Variants in CMIP observed in about 807,000 individuals in gnomAD.
The protein encoded by CMIP is C-Maf-inducing protein.
In CMIP, 13 loss-of-function variants were observed where a neutral mutation model predicts 97.3. That is an observed-to-expected ratio of 0.13 (90% confidence interval 0.09 to 0.21). The LOEUF is 0.21. Among genes scored for constraint, CMIP ranks in the 10% least tolerant of loss-of-function variants. The pLI is 1.00. For synonymous variants in CMIP, 538 were observed against 436.3 expected, an observed-to-expected ratio of 1.23 and a Z score of -2.91; for missense variants, 847 against 1,024.9, an observed-to-expected ratio of 0.83 and a Z score of 2.37.
intron 5 of CMIP, among the ~76,000 whole-genome samples, chr16:81,660,304 C>T (rs960054138): frequency 6.6e-6 from 1 of 151,128 alleles, no homozygotes; most frequent in Non-Finnish European, 1.5e-5. Context: ...GGCAGAGTCT[C>T]ACTCTGTCAC....
intron 1 of CMIP, among the ~76,000 whole-genome samples, chr16:81,455,262 G>GATTAGTGTGTTTCC (rs1906473955): frequency 6.6e-6 from 1 of 152,220 alleles, no homozygotes; most frequent in Admixed American, 6.5e-5. Context: ...CCACTCGTGT[G>GATTAGTGTGTTTCC]ATTAGTGTGT....
chr16:81,599,526 C>T (rs181737011), intron 1 of CMIP, among the ~76,000 whole-genome samples: 10 of 152,292 alleles, frequency 6.6e-5, no homozygotes, highest in Middle Eastern at 6.8e-3. Context: ...GACCTGAGGC[C>T]CCTGCCATGC....
intron 1 of CMIP, among the ~76,000 whole-genome samples, chr16:81,497,383 T>A (rs1288353175): frequency 1.3e-5 from 2 of 152,204 alleles, no homozygotes; most frequent in Non-Finnish European, 2.9e-5. Context: ...TCAGTGAGGT[T>A]GAGCCACTTT....
intron 7 of CMIP, chr16:81,665,351 T>G (rs1041719851): frequency 6.6e-6 from 1 of 152,144 alleles, no homozygotes; most frequent in Non-Finnish European, 1.5e-5. Context: ...AAGAATAACA[T>G]CTTTTTGCAG....
chr16:81,472,995 A>G (rs1907651324), intron 1 of CMIP, among the ~76,000 whole-genome samples: 1 of 152,216 alleles, frequency 6.6e-6, no homozygotes. Context: ...TTCGCCTTGC[A>G]TCCAGTGGGC....
At position 81,616,185 on chromosome 16, in the gene CMIP, A is replaced by C. The variant is rs2091915853; in HGVS notation, c.427-4691A>C. On this transcript the variant is annotated intron_variant, in intron 2 of 20. Transcript: ENST00000537098. This position sits in a 1 kb window ranked among gnomAD's most constrained non-coding sequence, Gnocchi z 4.7. ...TTTTTTTTTTTTTAACACCAGGCTC[A>C]CTGGAGCAGTCGCAGTTAATCCTAC... Among the ~76,000 whole-genome samples, 1 of 147,728 alleles carries C rather than the reference A, an allele frequency of 6.8e-6. No homozygotes were observed. Among genetic ancestry groups the C allele is most frequent in the Non-Finnish European group, 1.5e-5 (1 of 67,430 alleles).
chr16:81,452,844 G>A (rs1271255615), intron 1 of CMIP, among the ~76,000 whole-genome samples: 1 of 148,626 alleles, frequency 6.7e-6, no homozygotes, highest in Non-Finnish European at 1.5e-5. Flanking sequence ...CCATTCTTTT[G>A]CTTCTGTTGT....
chr16:81,609,071 G>A (rs2091788549), intron 2 of CMIP, among the ~76,000 whole-genome samples: 1 of 152,120 alleles, frequency 6.6e-6, no homozygotes, highest in South Asian at 2.1e-4. Flanking sequence ...ATCTCTCAGA[G>A]GACTCTGGAA....
intron 1 of CMIP, among the ~76,000 whole-genome samples, chr16:81,604,089 G>A (rs936852673): frequency 6.6e-6 from 1 of 152,178 alleles, no homozygotes; most frequent in East Asian, 1.9e-4. Flanking sequence ...CATGCAGCTT[G>A]TCTGCTTTTT....
At chr16:81,684,974 G>A (rs1567661440) in intron 10 of CMIP, among the ~76,000 whole-genome samples, 3 of 152,212 alleles carry the variant, frequency 2.0e-5, no homozygotes, top group South Asian at 2.1e-4. Context: ...GGGCAGTCCC[G>A]AGGCGGGGAC....
intron 4 of CMIP, among the ~76,000 whole-genome samples, chr16:81,657,573 T>C (rs1286116435): frequency 6.6e-6 from 1 of 152,148 alleles, no homozygotes; most frequent in Non-Finnish European, 1.5e-5. Context: ...CAGTTCTCCC[T>C]GCCCCAAAAC....
At chr16:81,609,531 C>T (rs1036450895) in intron 2 of CMIP, among the ~76,000 whole-genome samples, 2 of 152,230 alleles carry the variant, frequency 1.3e-5, no homozygotes, top group Non-Finnish European at 2.9e-5. Flanking sequence ...GTGAAGAGCC[C>T]CTCAGCCCCT....
Position 81,678,643 on chromosome 16 carries a change from C to CGGGG in CMIP, c.1388+16_1388+17insGGGG. 7.5e-7 allele frequency: 1 copy of CGGGG among 1,327,310 alleles called. No individual in the cohort carries two copies. Among genetic ancestry groups the CGGGG allele is most frequent in the Non-Finnish European group, 1.1e-6 (1 of 941,130 alleles). 82.2% of individuals were successfully genotyped at this position (1,327,310 alleles called of 1,614,324 possible). On this transcript the variant is annotated intron_variant, in intron 10 of 20. Coordinates refer to ENST00000537098, the MANE Select transcript of CMIP (RefSeq NM_198390.3). ...CTCAAGCTGCTGTGAGTGCCCCCCC[C>CGGGG]GCGTGCCCGCCCCCGGGGCCGGTGG...
At chr16:81,514,624 G>A (rs7198407) in intron 1 of CMIP, among the ~76,000 whole-genome samples, 2,352 of 152,240 alleles carry the variant, frequency 0.015, 53 homozygotes, top group African/African-American at 0.051. Context: ...CTAGTGTTGC[G>A]GTCAATCGCG....
At chr16:81,657,672 C>T (rs756026143) in intron 4 of CMIP, 103 bp from the exon 5 acceptor site, 32 of 942,840 alleles carry the variant, frequency 3.4e-5, no homozygotes, top group African/African-American at 1.0e-4. Context: ...TGGTCTGTGA[C>T]GCTGAAGATG....
chr16:81,596,185 G>C (rs1450694727), intron 1 of CMIP, among the ~76,000 whole-genome samples: 2 of 152,144 alleles, frequency 1.3e-5, no homozygotes, highest in South Asian at 2.1e-4. Flanking sequence ...TTTGGATTCA[G>C]CTCTAGAAAA....
At position 81,628,694 on chromosome 16, in the gene CMIP, C is replaced by G. The variant is rs565155382; in HGVS notation, c.477+7768C>G. On this transcript the variant is annotated intron_variant, in intron 3 of 20. Coordinates refer to ENST00000537098, the MANE Select transcript of CMIP (RefSeq NM_198390.3). ...TGTACACAGACACACGCTACCCAGA[C>G]ACTTCTCACACCTGATGTGCACTTG... Among the ~76,000 whole-genome samples, 8 of 152,242 alleles carry G rather than the reference C, an allele frequency of 5.3e-5. 1 individual carries two copies. The South Asian group carries it at 1.7e-3, about 32-fold the overall frequency.
chr16:81,591,194 A>T (rs1278218700), intron 1 of CMIP, among the ~76,000 whole-genome samples: 1 of 152,234 alleles, frequency 6.6e-6, no homozygotes, highest in Non-Finnish European at 1.5e-5. Context: ...TTTCTCATCT[A>T]TAAAATGGGA....
chr16:81,587,184 C>T (rs2091396453), intron 1 of CMIP, among the ~76,000 whole-genome samples: 1 of 152,178 alleles, frequency 6.6e-6, no homozygotes, highest in Non-Finnish European at 1.5e-5. Flanking sequence ...ACCTGCATGA[C>T]TCATTACCAC....
Sources: gnomAD v4.1 joint callset for allele counts (sites outside exome capture counted in the v4.1 genomes callset) on GRCh38, gnomAD v4.1.1 for gene constraint, Gnocchi (gnomAD v3.1) non-coding constraint, MANE v1.5 for transcripts, NCBI Gene and HGNC (gene_info 2026-07-23, HGNC 2026-07-21) for gene names.